Variants in GUCY1A1 observed in about 807,000 individuals in gnomAD.
The protein encoded by GUCY1A1 is guanylate cyclase soluble subunit alpha-1.
A neutral mutation model predicts 64.5 loss-of-function variants in GUCY1A1; 48 were observed. That is an observed-to-expected ratio of 0.74 (90% CI 0.59 to 0.95). GUCY1A1 has a LOEUF of 0.95. Ranked by LOEUF, GUCY1A1 falls within the 40% of genes least tolerant of loss-of-function variation. The pLI is 0.00. For missense variants in GUCY1A1, 804 were observed against 825.3 expected (o/e 0.97, Z 0.32); for synonymous variants, 308 against 303.4 (o/e 1.02, Z -0.16).
rs899242952 is a variant in GUCY1A1 at position 155,730,695 on chromosome 4, T to G, written c.*464T>G. The stretch of plus-strand genomic sequence containing the variant: ...TCTTTCAAACTTTCAACTCTGCATT[T>G]TATTGCATTTTCTCATTTAACTGTT... On this transcript the variant is annotated 3_prime_UTR_variant, in exon 10 of 10. Transcript: ENST00000506455. 2 of 153,978 alleles carry G rather than the reference T, an allele frequency of 1.3e-5. No individual in the cohort carries two copies. Among genetic ancestry groups the G allele is most frequent in the South Asian group, 2.0e-4 (1 of 4,890 alleles). The allele number at this position is 153,978 out of a possible 1,614,324, so 9.5% of individuals were successfully genotyped here.
intron 2 of GUCY1A1, among the ~76,000 whole-genome samples, chr4:155,678,745 A>G (rs1024322944): frequency 6.6e-6 from 1 of 152,208 alleles, no homozygotes; most frequent in African/African-American, 2.4e-5. Context: ...AAACAATAGC[A>G]TTTGTTGAAT....
chr4:155,710,203 CA>C (rs1272485393), intron 5 of GUCY1A1, among the ~76,000 whole-genome samples: 1 of 152,142 alleles, frequency 6.6e-6, no homozygotes, highest in Non-Finnish European at 1.5e-5. Context: ...TTGTTGTTAA[CA>C]GAAAGATTGG....
chr4:155,701,386 G>C (rs921649062), intron 3 of GUCY1A1, among the ~76,000 whole-genome samples: 2 of 152,054 alleles, frequency 1.3e-5, no homozygotes, highest in Non-Finnish European at 2.9e-5. Flanking sequence ...GCAATTGGAA[G>C]GGGACCATTT....
intron 2 of GUCY1A1, 52 bp from the exon 3 acceptor site, chr4:155,696,704 A>C: frequency 1.8e-6 from 1 of 565,488 alleles, no homozygotes; most frequent in Non-Finnish European, 3.1e-6. Context: ...TTCTGTTTTC[A>C]TCCGTGCATA....
At chr4:155,670,256 AT>A (rs932525968) in intron 2 of GUCY1A1, among the ~76,000 whole-genome samples, 13 of 152,090 alleles carry the variant, frequency 8.5e-5, no homozygotes, top group African/African-American at 4.8e-5. Flanking sequence ...GTAAAAACAA[AT>A]TTTTTCCCCA....
In GUCY1A1 at chr4:155,683,756, T is replaced by C. The variant is rs112486879; in HGVS notation, c.-112-13000T>C. 1.8e-3 allele frequency among the ~76,000 whole-genome samples: 280 copies of C among 152,326 alleles called. 4 individuals carry two copies. The highest frequency in any genetic ancestry group is 6.5e-3 in the African/African-American group (270 of 41,580). On this transcript the variant is annotated intron_variant, in intron 2 of 9. Transcript: ENST00000506455. ...ATTAGCATGATATATAGACGAAAGG[T>C]AATCTTCTGATTGGTCTGAGATGAA...
chr4:155,679,900 C>T (rs2126591483), intron 2 of GUCY1A1, among the ~76,000 whole-genome samples: 1 of 152,216 alleles, frequency 6.6e-6, no homozygotes, highest in Middle Eastern at 3.4e-3. Flanking sequence ...AATTGTGGAT[C>T]TCTATCTCAT....
In GUCY1A1 at chr4:155,710,628, G is replaced by A; in HGVS notation, c.463G>A (p.Val155Ile). 1 of 1,613,306 alleles carries A rather than the reference G, an allele frequency of 6.2e-7. No individual in the cohort carries two copies. The highest frequency in any genetic ancestry group is 8.5e-7 in the Non-Finnish European group (1 of 1,179,314). ...GGAAGATGAAAACATCCTTGGGGTG[G>A]TTGGAGGCACCCTTAAAGATTTTTT... ...YEEDENILGV[V>I]GGTLKDFLNS... The change falls in exon 6 of 10, where the codon GTT becomes ATT. Residue 155 changes from valine (V) to isoleucine (I), a missense_variant. Coordinates refer to ENST00000506455, the MANE Select transcript of GUCY1A1 (RefSeq NM_001130682.3).
chr4:155,696,798 T>C lies in GUCY1A1; in HGVS notation c.-70T>C. 6.9e-7 allele frequency: 1 copy of C among 1,442,816 alleles called. No homozygotes were observed. Among genetic ancestry groups the C allele is most frequent in the Non-Finnish European group, 9.6e-7 (1 of 1,040,802 alleles). The allele number at this position is 1,442,816 out of a possible 1,614,324, so 89.4% of individuals were successfully genotyped here. On this transcript the variant is annotated 5_prime_UTR_variant, in exon 3 of 10. Coordinates refer to ENST00000506455, the MANE Select transcript of GUCY1A1 (RefSeq NM_001130682.3). ...GTCCTTGAATTGATAGTGGCTTCTG[T>C]TTGTCAGTCTCATATAAGAACTACA...
intron 4 of GUCY1A1, among the ~76,000 whole-genome samples, chr4:155,704,346 A>C (rs1731465418): frequency 2.0e-5 from 3 of 152,194 alleles, no homozygotes; most frequent in Admixed American, 2.0e-4. Flanking sequence ...ACTAATTGGT[A>C]ACTTCTAAAA....
At position 155,722,239 on chromosome 4, in the gene GUCY1A1, A is replaced by G. The variant is rs756716095; in HGVS notation, c.1871+47A>G. ...TAAAATCTCTTGTTTTTATTTATAT[A>G]CAATTGCCATTTGCCCCACTGATTT... On this transcript the variant is annotated intron_variant, in intron 9 of 9. Coordinates refer to ENST00000506455, the MANE Select transcript of GUCY1A1 (RefSeq NM_001130682.3). 21 of 1,581,512 alleles carry G rather than the reference A, an allele frequency of 1.3e-5. No homozygotes were observed. The South Asian group carries it at 2.0e-4, about 15-fold the overall frequency.
chr4:155,709,871 G>T (rs1579083692), intron 5 of GUCY1A1, among the ~76,000 whole-genome samples: 1 of 152,040 alleles, frequency 6.6e-6, no homozygotes. Flanking sequence ...AAAACTTCAT[G>T]TAACTCATGG....
At chr4:155,718,052 A>G (rs1219940104) in intron 8 of GUCY1A1, among the ~76,000 whole-genome samples, 3 of 152,188 alleles carry the variant, frequency 2.0e-5, no homozygotes, top group African/African-American at 7.2e-5. Context: ...GATGAGCCAG[A>G]TTCCAGACTA....
rs138373122 is a variant in GUCY1A1, at chr4:155,676,506, C to T, written c.-113+9087C>T. On this transcript the variant is annotated intron_variant, in intron 2 of 9. Transcript: ENST00000506455. ...GAAATTAGTAGTTGCATGTTGTCAC[C>T]GTCTATTTTGTACACAGTGAAAAGG... Among the ~76,000 whole-genome samples the T allele has an allele frequency of 1.4e-4, 21 of 151,320 alleles. 2 individuals carry two copies. The highest frequency in any genetic ancestry group is 3.7e-4 in the African/African-American group (15 of 40,740).
intron 2 of GUCY1A1, among the ~76,000 whole-genome samples, chr4:155,687,854 C>G (rs1476484564): frequency 6.6e-6 from 1 of 152,116 alleles, no homozygotes; most frequent in Non-Finnish European, 1.5e-5. Flanking sequence ...TTTATGTGAA[C>G]CCAACCCTCC....
intron 8 of GUCY1A1, among the ~76,000 whole-genome samples, chr4:155,719,661 G>A (rs1252747073): frequency 6.6e-6 from 1 of 152,092 alleles, no homozygotes; most frequent in Non-Finnish European, 1.5e-5. Flanking sequence ...TATTCCCATT[G>A]ATTTCCTCAC....
chr4:155,674,169 G>A (rs955278519), intron 2 of GUCY1A1, among the ~76,000 whole-genome samples: 8 of 151,014 alleles, frequency 5.3e-5, no homozygotes, highest in South Asian at 2.1e-4. Flanking sequence ...GCCTGGCCAA[G>A]ACAGTGAAAC....
chr4:155,674,497 G>A (rs988894177), intron 2 of GUCY1A1, among the ~76,000 whole-genome samples: 5 of 151,488 alleles, frequency 3.3e-5, no homozygotes, highest in African/African-American at 1.2e-4. Flanking sequence ...TACAAGTCCA[G>A]CATCTTCGTT....
intron 2 of GUCY1A1, among the ~76,000 whole-genome samples, chr4:155,671,999 T>C (rs542435670): frequency 7.7e-6 from 1 of 130,362 alleles, no homozygotes; most frequent in East Asian, 2.0e-4. Context: ...CTGAAATCTA[T>C]TCTACTCTTC....
Sources: allele counts gnomAD v4.1 joint callset (sites outside exome capture counted in the v4.1 genomes callset), GRCh38; gene constraint gnomAD v4.1.1; transcripts MANE v1.5; gene names NCBI Gene and HGNC (gene_info 2026-07-23, HGNC 2026-07-21).